The following THADA variants were observed in gnomAD, a reference collection of about 807,000 sequenced individuals.
The protein encoded by THADA is THADA armadillo repeat containing.
THADA carries 213 observed loss-of-function variants against 219.8 expected under a neutral mutation model. The observed-to-expected ratio is 0.97, with a 90% CI of 0.87 to 1.09. THADA has a LOEUF of 1.09. Ranked by LOEUF, THADA falls within the 50% of genes least tolerant of loss-of-function variation. THADA has a pLI of 0.00. For missense variants in THADA, 2,956 were observed against 2,311.3 expected, an observed-to-expected ratio of 1.28 and a Z score of -5.72; for synonymous variants, 1,018 against 828.9, an observed-to-expected ratio of 1.23 and a Z score of -3.92.
At chr2:43,586,671 T>G in intron 6 of THADA, 31 bp downstream of exon 6, 1 of 1,599,732 alleles carries the variant, frequency 6.3e-7, no homozygotes, top group Non-Finnish European at 8.5e-7. Context: ...AGCCATCAAC[T>G]CATGGAACAA....
chr2:43,557,095 AAAAACAAAAC>A (rs1558967322), intron 16 of THADA, among the ~76,000 whole-genome samples: 1 of 152,146 alleles, frequency 6.6e-6, no homozygotes, highest in South Asian at 2.1e-4. Flanking sequence ...TTAAAAGAAA[AAAAACAAAAC>A]AAAACAAAAC....
chr2:43,557,515 A>C (rs1697520528), intron 16 of THADA, among the ~76,000 whole-genome samples: 1 of 152,208 alleles, frequency 6.6e-6, no homozygotes. Context: ...AAACAAAGTG[A>C]TCAATTCAGC....
chr2:43,378,529 A>C (rs940730254), intron 29 of THADA, among the ~76,000 whole-genome samples: 1 of 152,266 alleles, frequency 6.6e-6, no homozygotes, highest in Non-Finnish European at 1.5e-5. Context: ...AAAACTAGAT[A>C]ATCTACAAAG....
chr2:43,481,512 TA>T (rs1686222189), intron 26 of THADA, among the ~76,000 whole-genome samples: 3 of 152,196 alleles, frequency 2.0e-5, no homozygotes, highest in African/African-American at 7.2e-5. Flanking sequence ...CAATGCCTTG[TA>T]AAAAATACTA....
At chr2:43,231,521 C>A (rs1366264237) in intron 37 of THADA, among the ~76,000 whole-genome samples, 178 bp from the exon 38 acceptor site, 1 of 152,184 alleles carries the variant, frequency 6.6e-6, no homozygotes, top group Non-Finnish European at 1.5e-5. Context: ...TGAAGGTCAC[C>A]TTCTATTTTC....
intron 26 of THADA, among the ~76,000 whole-genome samples, chr2:43,440,946 T>G (rs1174522874): frequency 6.6e-6 from 1 of 152,234 alleles, no homozygotes; most frequent in Non-Finnish European, 1.5e-5. Context: ...GCAGTTACCT[T>G]AGCAAATATT....
At chr2:43,402,159 C>T (rs1427912262) in intron 28 of THADA, among the ~76,000 whole-genome samples, 3 of 152,164 alleles carry the variant, frequency 2.0e-5, no homozygotes, top group South Asian at 4.1e-4. Context: ...AATGACCACA[C>T]GATGTGGCTG....
chr2:43,366,042 G>A (rs1670110327), intron 29 of THADA, among the ~76,000 whole-genome samples: 2 of 152,170 alleles, frequency 1.3e-5, no homozygotes, highest in Non-Finnish European at 2.9e-5. Context: ...GAATTATGTT[G>A]AGCATAGAGA....
chr2:43,465,043 T>C (rs1684073619), intron 26 of THADA, among the ~76,000 whole-genome samples: 1 of 152,168 alleles, frequency 6.6e-6, no homozygotes, highest in African/African-American at 2.4e-5. Flanking sequence ...TAACATATTA[T>C]AATTTCCTCT....
chr2:43,327,332 G>C (rs1042816562), intron 30 of THADA, among the ~76,000 whole-genome samples: 1 of 152,074 alleles, frequency 6.6e-6, no homozygotes, highest in African/African-American at 2.4e-5. Context: ...CATGGAGCCA[G>C]CACTGGAGTT....
At chr2:43,327,108 T>TTGATTGTCA (rs1056898776) in intron 30 of THADA, among the ~76,000 whole-genome samples, 4 of 151,850 alleles carry the variant, frequency 2.6e-5, no homozygotes, top group Non-Finnish European at 5.9e-5. Flanking sequence ...GAGGATTGAT[T>TTGATTGTCA]TGATTGTCAT....
chr2:43,551,943 G>A lies in THADA; in HGVS notation c.2811-18C>T. On this transcript the variant is annotated intron_variant, in intron 18 of 37. Coordinates refer to ENST00000405975, the MANE Select transcript of THADA (RefSeq NM_022065.5). ...GCAGGCTGCTGCAACAAGGACATTAGGGAAATTTATACTAAAAGCAAAAAT... is the reference window on the plus strand; with the variant it reads ...GCAGGCTGCTGCAACAAGGACATTAAGGAAATTTATACTAAAAGCAAAAAT... 6.3e-7 allele frequency: 1 copy of A among 1,591,584 alleles called. No homozygotes were observed. The highest frequency in any genetic ancestry group is 1.2e-5 in the South Asian group (1 of 86,194).
chr2:43,493,026 G>A (rs1007152319), intron 25 of THADA, among the ~76,000 whole-genome samples: 1 of 152,142 alleles, frequency 6.6e-6, no homozygotes. Context: ...CACCCTTGTG[G>A]CAACCTCATA....
chr2:43,406,330 T>C (rs1375096337), intron 28 of THADA, among the ~76,000 whole-genome samples: 4 of 152,202 alleles, frequency 2.6e-5, no homozygotes, highest in African/African-American at 7.2e-5. Context: ...GAATTAGAAA[T>C]ATTCTTAAAT....
chr2:43,421,086 T>C (rs1002199807), intron 28 of THADA, among the ~76,000 whole-genome samples: 3 of 152,218 alleles, frequency 2.0e-5, no homozygotes, highest in African/African-American at 7.2e-5. Context: ...GTATCTGTAA[T>C]ATACAAATAC....
rs779905934 is a variant in THADA, at chr2:43,232,716, A to T, written c.5463T>A (p.His1821Gln). 2.5e-6 allele frequency: 4 copies of T among 1,613,744 alleles called. No homozygotes were observed. The South Asian group carries it at 3.3e-5, about 13-fold the overall frequency. ...TCCCCTGACACCCCGGGATCACCTG[A>T]TGCATGCTCTCCACACAGGCCACGA... ...DDLVACVESM[H>Q]QVEEDYLFEK... Residue 1821 changes from histidine (H) to glutamine (Q), a missense_variant, in exon 37 of 38, where the codon CAT becomes CAA. His to Gln is a conservative substitution (Grantham distance 24). Transcript: ENST00000405975.
intron 20 of THADA, among the ~76,000 whole-genome samples, chr2:43,547,345 C>T (rs1297622148): frequency 2.0e-5 from 3 of 152,180 alleles, no homozygotes; most frequent in African/African-American, 7.2e-5. Flanking sequence ...AATTATCTGT[C>T]TTGGAGTTGC....
At chr2:43,528,410 G>A (rs534622135) in intron 21 of THADA, among the ~76,000 whole-genome samples, 12 of 152,202 alleles carry the variant, frequency 7.9e-5, no homozygotes, top group Non-Finnish European at 1.3e-4. Context: ...GATTACATGC[G>A]TGAGCCACTG....
intron 9 of THADA, among the ~76,000 whole-genome samples, chr2:43,578,214 C>T (rs1700057718): frequency 1.3e-5 from 2 of 151,168 alleles, no homozygotes; most frequent in South Asian, 4.2e-4. Context: ...GCAATCTTAT[C>T]TCACTGCAGC....
Sources: allele counts gnomAD v4.1 joint callset (sites outside exome capture counted in the v4.1 genomes callset), GRCh38; gene constraint gnomAD v4.1.1; transcripts MANE v1.5; gene names NCBI Gene and HGNC (gene_info 2026-07-23, HGNC 2026-07-21).